The following GRIP1 variants were observed in gnomAD, a reference collection of about 807,000 sequenced individuals.
GRIP1 encodes glutamate receptor interacting protein 1, also known as glutamate receptor-interacting protein 1.
A neutral mutation model predicts 129.9 loss-of-function variants in GRIP1; 45 were observed. The ratio of observed to expected loss-of-function variants is 0.35; its 90% CI spans 0.27 to 0.44. The LOEUF is 0.44. GRIP1 is among the 20% of genes least tolerant of loss of function. The pLI is 1.00. For missense variants in GRIP1, 1,196 were observed against 1,396.8 expected (o/e 0.86, Z 2.29); for synonymous variants, 530 against 520.8 (o/e 1.02, Z -0.24).
chr12:66,587,239 G>A (rs1256392198), intron 2 of GRIP1, among the ~76,000 whole-genome samples: 1 of 152,180 alleles, frequency 6.6e-6, no homozygotes, highest in Non-Finnish European at 1.5e-5. Context: ...TTTTGGCCTA[G>A]AATCCTCTTC....
At chr12:66,847,887 T>C (rs1306193730) in intron 1 of GRIP1, among the ~76,000 whole-genome samples, 4 of 152,208 alleles carry the variant, frequency 2.6e-5, no homozygotes, top group African/African-American at 9.6e-5. Flanking sequence ...TATGAGTATG[T>C]GTTTTAATTT....
intron 1 of GRIP1, among the ~76,000 whole-genome samples, chr12:66,834,534 A>C (rs1464731159): frequency 6.6e-6 from 1 of 152,226 alleles, no homozygotes; most frequent in East Asian, 1.9e-4. Flanking sequence ...TCCAAGTTTT[A>C]CTTAAATAGT....
At chr12:66,790,844 A>T (rs2038509552) in intron 1 of GRIP1, among the ~76,000 whole-genome samples, 1 of 152,088 alleles carries the variant, frequency 6.6e-6, no homozygotes, top group Non-Finnish European at 1.5e-5. Context: ...TAGCCCAGGA[A>T]GAATTCAGAG....
At chr12:66,645,704 T>C (rs181021560) in intron 1 of GRIP1, among the ~76,000 whole-genome samples, 52 of 152,328 alleles carry the variant, frequency 3.4e-4, no homozygotes, top group Admixed American at 7.2e-4. Context: ...AATTTCAAGA[T>C]AATTATTTTC....
intron 1 of GRIP1, among the ~76,000 whole-genome samples, chr12:66,866,967 C>T (rs1300457754): frequency 6.6e-6 from 1 of 152,000 alleles, no homozygotes; most frequent in Non-Finnish European, 1.5e-5. Flanking sequence ...AAGAATAGGG[C>T]AGTTATTTCA....
intron 1 of GRIP1, among the ~76,000 whole-genome samples, chr12:67,024,726 A>T (rs1484516386): frequency 1.3e-5 from 2 of 152,208 alleles, no homozygotes; most frequent in Non-Finnish European, 2.9e-5. Context: ...TCACTAATAC[A>T]AATGGCTACT....
intron 1 of GRIP1, among the ~76,000 whole-genome samples, chr12:66,986,734 C>T (rs1308345196): frequency 5.4e-4 from 79 of 145,400 alleles, no homozygotes; most frequent in African/African-American, 1.8e-3. Context: ...TGCTAAATGA[C>T]GAGTTAATGG....
chr12:66,895,585 C>T (rs891634207), intron 1 of GRIP1, among the ~76,000 whole-genome samples: 3 of 152,118 alleles, frequency 2.0e-5, no homozygotes, highest in African/African-American at 7.2e-5. Context: ...TACCTGAGCC[C>T]TGTACTGAGG....
intron 1 of GRIP1, among the ~76,000 whole-genome samples, chr12:66,823,946 A>T (rs2039365133): frequency 6.6e-6 from 1 of 152,194 alleles, no homozygotes; most frequent in Non-Finnish European, 1.5e-5. Flanking sequence ...AGACAGCCTG[A>T]TGATTCTGAA....
intron 11 of GRIP1, among the ~76,000 whole-genome samples, chr12:66,450,695 T>C (rs1311167469): frequency 6.6e-6 from 1 of 152,138 alleles, no homozygotes; most frequent in Admixed American, 6.5e-5. Context: ...TCTTCTGACA[T>C]ATTGGAATCT....
intron 1 of GRIP1, among the ~76,000 whole-genome samples, chr12:66,781,952 C>A (rs533334807): frequency 6.6e-6 from 1 of 152,116 alleles, no homozygotes; most frequent in Non-Finnish European, 1.5e-5. Flanking sequence ...GACTACTAAC[C>A]GTATGATGAT....
intron 1 of GRIP1, among the ~76,000 whole-genome samples, chr12:66,901,979 T>C (rs895337622): frequency 5.9e-5 from 9 of 152,224 alleles, no homozygotes; most frequent in African/African-American, 2.2e-4. Context: ...CTTCAGATCA[T>C]GTGCATATGG....
intron 2 of GRIP1, among the ~76,000 whole-genome samples, chr12:66,573,214 G>A (rs562238293): frequency 6.6e-6 from 1 of 152,252 alleles, no homozygotes; most frequent in East Asian, 1.9e-4. Flanking sequence ...CAGCCAGCAA[G>A]AAACCAAAGC....
rs1367135517 is a variant in GRIP1 at position 66,347,816 on chromosome 12, G to A, written c.*1203C>T. ...AGTGTTCGAATACTTTGCCTAAGTG[G>A]TAGTTTGAATTATTGACCAAAATGA... is the stretch of plus-strand genomic sequence containing the variant. On this transcript the variant is annotated 3_prime_UTR_variant, in exon 25 of 25. Coordinates refer to ENST00000359742, the MANE Select transcript of GRIP1 (RefSeq NM_001366722.1). 6.6e-6 allele frequency: 1 copy of A among 152,084 alleles called. No individual in the cohort carries two copies. The highest frequency in any genetic ancestry group is 6.5e-5 in the Admixed American group (1 of 15,268). The allele number at this position is 152,084 out of a possible 1,614,324, so 9.4% of individuals were successfully genotyped here. A position where few individuals can be genotyped will look rare whatever the true frequency, so the allele number is the denominator to read the frequency against.
At chr12:66,543,022 T>A (rs1047005170) in intron 2 of GRIP1, among the ~76,000 whole-genome samples, 1 of 152,200 alleles carries the variant, frequency 6.6e-6, no homozygotes, top group Admixed American at 6.5e-5. Context: ...ATGTTGAAAA[T>A]ATTTATAAAT....
intron 1 of GRIP1, among the ~76,000 whole-genome samples, chr12:66,765,983 C>G (rs1339196018): frequency 6.6e-6 from 1 of 152,140 alleles, no homozygotes; most frequent in South Asian, 2.1e-4. Context: ...CCACTCAAGA[C>G]TGTTCTGGTA....
At chr12:66,990,255 C>T (rs1435175951) in intron 1 of GRIP1, among the ~76,000 whole-genome samples, 1 of 152,122 alleles carries the variant, frequency 6.6e-6, no homozygotes, top group East Asian at 1.9e-4. Flanking sequence ...ATGGTATCTG[C>T]TTGAGTTTGG....
chr12:66,411,243 G>A (rs899544306), intron 15 of GRIP1, among the ~76,000 whole-genome samples: 3 of 152,110 alleles, frequency 2.0e-5, no homozygotes, highest in African/African-American at 7.2e-5. Flanking sequence ...TCGGCATCAG[G>A]TCAGTGCCCC....
intron 1 of GRIP1, among the ~76,000 whole-genome samples, chr12:66,844,431 C>CAAG (rs2039777434): frequency 1.3e-5 from 2 of 152,116 alleles, no homozygotes; most frequent in East Asian, 3.9e-4. Context: ...TCAACAAGAA[C>CAAG]AACAACAACA....
Sources: gnomAD v4.1 joint callset for allele counts (sites outside exome capture counted in the v4.1 genomes callset) on GRCh38, gnomAD v4.1.1 for gene constraint, MANE v1.5 for transcripts, NCBI Gene and HGNC (gene_info 2026-07-23, HGNC 2026-07-21) for gene names.